Variants in CHLSN observed in about 807,000 individuals in gnomAD.
CHLSN encodes the protein cholesin.
the CHLSN span, among the ~76,000 whole-genome samples, chr7:1,038,177 C>T: frequency 4.1e-5 from 4 of 97,884 alleles, no homozygotes; most frequent in Admixed American, 9.1e-5. Flanking sequence ...ACCCCCCGCC[C>T]GGCCAGCCGC....
chr7:1,003,798 T>C, the CHLSN span, among the ~76,000 whole-genome samples: 1 of 65,808 alleles, frequency 1.5e-5, no homozygotes. Flanking sequence ...TGGAGTCCTG[T>C]GGGTTTGGAG....
At chr7:1,076,216 G>A in the CHLSN span, 1 of 152,908 alleles carries the variant, frequency 6.5e-6, no homozygotes, top group East Asian at 1.9e-4. Context: ...AGAAGGGTAA[G>A]AAGAGCAGTG....
the CHLSN span, among the ~76,000 whole-genome samples, chr7:1,110,873 A>G: frequency 6.6e-6 from 1 of 152,166 alleles, no homozygotes. Flanking sequence ...AATGACCAAT[A>G]TGTACATGGA....
At chr7:1,001,009 G>A in the CHLSN span, among the ~76,000 whole-genome samples, 1 of 152,232 alleles carries the variant, frequency 6.6e-6, no homozygotes, top group Non-Finnish European at 1.5e-5. Flanking sequence ...CTGGGGACGA[G>A]CAGCTCCCGG....
the CHLSN span, among the ~76,000 whole-genome samples, chr7:1,125,073 C>T: frequency 6.6e-6 from 1 of 152,244 alleles, no homozygotes. Flanking sequence ...CCTCCACCCA[C>T]GCCTGCTGAG....
the CHLSN span, among the ~76,000 whole-genome samples, chr7:1,071,476 G>A: frequency 6.6e-6 from 1 of 152,178 alleles, no homozygotes; most frequent in African/African-American, 2.4e-5. Context: ...CAGCTGGGGG[G>A]CTCCCACTGG....
chr7:1,027,643 CTT>C, the CHLSN span, among the ~76,000 whole-genome samples: 1 of 152,284 alleles, frequency 6.6e-6, no homozygotes, highest in Non-Finnish European at 1.5e-5. Flanking sequence ...CATCATGAGT[CTT>C]TGCTTTAGTT....
the CHLSN span, among the ~76,000 whole-genome samples, chr7:1,065,930 G>A: frequency 6.6e-6 from 1 of 152,344 alleles, no homozygotes; most frequent in South Asian, 2.1e-4. Context: ...CTCGGTTCTG[G>A]AGCTCCCTCC....
At chr7:1,123,072 G>C in the CHLSN span, among the ~76,000 whole-genome samples, 1 of 152,210 alleles carries the variant, frequency 6.6e-6, no homozygotes, top group Non-Finnish European at 1.5e-5. The surrounding 1 kb of genome is among the most constrained non-coding windows in gnomAD (Gnocchi z 4.4). Flanking sequence ...ACAACACCCA[G>C]AGCCGAGACC....
At chr7:1,111,272 C>T in the CHLSN span, among the ~76,000 whole-genome samples, 1 of 152,232 alleles carries the variant, frequency 6.6e-6, no homozygotes, top group Admixed American at 6.5e-5. Context: ...CACCAGCTAT[C>T]ACTGCTTCCT....
At chr7:1,116,226 C>T in the CHLSN span, among the ~76,000 whole-genome samples, 4 of 143,890 alleles carry the variant, frequency 2.8e-5, no homozygotes, top group African/African-American at 5.3e-5. Flanking sequence ...CCATCACCAA[C>T]GCCCACGCAG....
the CHLSN span, chr7:1,092,425 TGCTACTCCCTC>T: frequency 6.2e-7 from 1 of 1,609,150 alleles, no homozygotes; most frequent in South Asian, 1.1e-5. Context: ...CATCGGCCTG[TGCTACTCCCTC>T]ATTGTCCGGG....
chr7:986,523 G>A, the CHLSN span: 1 of 1,390,790 alleles, frequency 7.2e-7, no homozygotes, highest in South Asian at 1.3e-5. Context: ...TCCACCCAGA[G>A]TCCCTGGGCG....
the CHLSN span, among the ~76,000 whole-genome samples, chr7:1,135,118 C>T: frequency 2.0e-5 from 3 of 152,268 alleles, no homozygotes; most frequent in African/African-American, 7.2e-5. Flanking sequence ...GACAGCAGAA[C>T]TTCTGCTTTT....
At chr7:1,130,438 C>T in the CHLSN span, among the ~76,000 whole-genome samples, 1 of 152,050 alleles carries the variant, frequency 6.6e-6, no homozygotes, top group Non-Finnish European at 1.5e-5. Context: ...AGGGGCCCGG[C>T]CCACGCCTGC....
At chr7:1,030,753 G>C in the CHLSN span, among the ~76,000 whole-genome samples, 5 of 150,198 alleles carry the variant, frequency 3.3e-5, no homozygotes, top group East Asian at 7.8e-4. Flanking sequence ...TCTCTCTCCC[G>C]GGGCACGCGG....
the CHLSN span, among the ~76,000 whole-genome samples, chr7:1,134,568 C>CTAAA: frequency 6.7e-6 from 1 of 148,902 alleles, no homozygotes; most frequent in African/African-American, 2.5e-5. Context: ...CACTGTGTCT[C>CTAAA]TAAATAAATA....
chr7:1,012,769 G>C, the CHLSN span, among the ~76,000 whole-genome samples: 1 of 152,020 alleles, frequency 6.6e-6, no homozygotes, highest in Non-Finnish European at 1.5e-5. Flanking sequence ...AGAGCCAGGG[G>C]CCTTGGGGGT....
the CHLSN span, among the ~76,000 whole-genome samples, chr7:1,016,676 CGCCAGGGCACAGCAGCGCAT>C: frequency 9.8e-6 from 1 of 102,376 alleles, no homozygotes. Context: ...CAGCAGCACA[CGCCAGGGCACAGCAGCGCAT>C]GCCAGCACAC....
Sources: allele counts gnomAD v4.1 joint callset (sites outside exome capture counted in the v4.1 genomes callset), GRCh38; gene constraint gnomAD v4.1.1; non-coding constraint Gnocchi (gnomAD v3.1); transcripts MANE v1.5; gene names NCBI Gene and HGNC (gene_info 2026-07-23, HGNC 2026-07-21).